ST6GALNAC5: variants seen among roughly 807,000 people sequenced by gnomAD.
The protein encoded by ST6GALNAC5 is ST6 N-acetylgalactosaminide alpha-2,6-sialyltransferase 5.
ST6GALNAC5 carries 27 observed loss-of-function variants against 33.6 expected under a neutral mutation model. The ratio of observed to expected loss-of-function variants is 0.80; its 90% confidence interval spans 0.59 to 1.11. The LOEUF is 1.11. Among genes scored for constraint, ST6GALNAC5 ranks in the 50% least tolerant of loss-of-function variants. ST6GALNAC5 has a pLI of 0.00. For missense variants in ST6GALNAC5, 428 were observed against 454.0 expected (o/e 0.94, Z 0.52); for synonymous variants, 194 against 171.2 (o/e 1.13, Z -1.04).
rs1387659612 is a variant in ST6GALNAC5 at position 76,868,451 on chromosome 1, G to T, written c.16-46G>T. 1.3e-6 allele frequency: 2 copies of T among 1,566,170 alleles called. No individual in the cohort carries two copies. Among genetic ancestry groups the T allele is most frequent in the Admixed American group, 1.8e-5 (1 of 56,242 alleles). On this transcript the variant is annotated intron_variant, in intron 1 of 4. Transcript: ENST00000477717. The surrounding 1 kb of genome is among the most constrained non-coding windows in gnomAD (Gnocchi z 4.3). ...TCCCCGCTGGGCGCGCTCCTCCGGT[G>T]TCTGCGCTCAGCCGCTCTCCTCTTC... is the stretch of plus-strand genomic sequence containing the variant.
chr1:76,963,933 A>G (rs982982724), intron 2 of ST6GALNAC5, among the ~76,000 whole-genome samples: 8 of 152,172 alleles, frequency 5.3e-5, no homozygotes, highest in Admixed American at 1.3e-4. Context: ...GAAATCAAAA[A>G]GAGATGTGCC....
chr1:76,981,862 G>C (rs34563548), intron 2 of ST6GALNAC5, among the ~76,000 whole-genome samples: 23,260 of 152,158 alleles, frequency 0.15, 1,858 homozygotes, highest in South Asian at 0.29. Flanking sequence ...AGATACCCAG[G>C]CAAACAGGGT....
In ST6GALNAC5 at chr1:77,036,897, G is replaced by T. The variant is rs559122621; in HGVS notation, c.262-7307G>T. Among the ~76,000 whole-genome samples the T allele has an allele frequency of 2.0e-5, 3 of 152,294 alleles. No homozygotes were observed. In the East Asian group the frequency reaches 5.8e-4, roughly 29 times the overall value. ...ATACATGAATTTAAACAAAAACCTG[G>T]ATGATGAGAGGTAGTTACAGTAGGT... is the stretch of plus-strand genomic sequence containing the variant. On this transcript the variant is annotated intron_variant, in intron 2 of 4. Coordinates refer to ENST00000477717, the MANE Select transcript of ST6GALNAC5 (RefSeq NM_030965.3).
At chr1:77,040,208 TG>T (rs1651788539) in intron 2 of ST6GALNAC5, among the ~76,000 whole-genome samples, 1 of 152,224 alleles carries the variant, frequency 6.6e-6, no homozygotes, top group African/African-American at 2.4e-5. Flanking sequence ...CCTTTGGAAG[TG>T]GGTCAGCCTT....
At chr1:76,932,747 C>G (rs1335973791) in intron 2 of ST6GALNAC5, among the ~76,000 whole-genome samples, 1 of 152,108 alleles carries the variant, frequency 6.6e-6, no homozygotes, top group East Asian at 1.9e-4. Flanking sequence ...CACATGCAGA[C>G]TTTGCTCATG....
intron 2 of ST6GALNAC5, among the ~76,000 whole-genome samples, chr1:76,892,513 A>C (rs956260387): frequency 6.6e-6 from 1 of 152,218 alleles, no homozygotes; most frequent in Non-Finnish European, 1.5e-5. Context: ...ATAGAACAAA[A>C]AGCACTGTCC....
intron 2 of ST6GALNAC5, among the ~76,000 whole-genome samples, chr1:76,898,887 G>C (rs978068489): frequency 6.6e-6 from 1 of 152,058 alleles, no homozygotes; most frequent in East Asian, 1.9e-4. Context: ...CTGTAGAAAA[G>C]GTAGATTAGA....
chr1:76,977,715 C>T (rs899777973), intron 2 of ST6GALNAC5, among the ~76,000 whole-genome samples: 2 of 152,114 alleles, frequency 1.3e-5, no homozygotes, highest in Non-Finnish European at 2.9e-5. Context: ...TTTCTTTATC[C>T]ATTCATCTAT....
intron 4 of ST6GALNAC5, among the ~76,000 whole-genome samples, chr1:77,058,814 G>A (rs546555210): frequency 5.9e-5 from 9 of 152,196 alleles, no homozygotes; most frequent in Non-Finnish European, 1.2e-4. Flanking sequence ...AAGTCAGGTT[G>A]TGTGCTGAAA....
rs1029474893 is a variant in ST6GALNAC5 at position 77,038,903 on chromosome 1, G to T, written c.262-5301G>T. ...GGTTTTTGTTGTTGTTGCTGGGGGT[G>T]GGCAGGGGTGATGGAAGGAGAAACT... On this transcript the variant is annotated intron_variant, in intron 2 of 4. Transcript: ENST00000477717. Among the ~76,000 whole-genome samples the T allele has an allele frequency of 2.0e-5, 3 of 152,172 alleles. No homozygotes were observed. In the East Asian group the frequency reaches 5.8e-4, roughly 29 times the overall value.
chr1:77,019,854 G>A (rs1056831411), intron 2 of ST6GALNAC5, among the ~76,000 whole-genome samples: 1 of 152,180 alleles, frequency 6.6e-6, no homozygotes, highest in African/African-American at 2.4e-5. Context: ...ATGTAGGAGT[G>A]TCTGTCTGAT....
intron 2 of ST6GALNAC5, among the ~76,000 whole-genome samples, chr1:76,893,234 GA>G (rs1654050821): frequency 6.6e-6 from 1 of 152,148 alleles, no homozygotes; most frequent in African/African-American, 2.4e-5. Flanking sequence ...AAAGAAAGAG[GA>G]AGGGTGTGCA....
chr1:76,955,837 C>G (rs1647935349), intron 2 of ST6GALNAC5, among the ~76,000 whole-genome samples: 1 of 152,186 alleles, frequency 6.6e-6, no homozygotes, highest in Non-Finnish European at 1.5e-5. Context: ...ACCAGTGCAG[C>G]ATTGGCTGCC....
chr1:76,887,284 C>A (rs956152710), intron 2 of ST6GALNAC5, among the ~76,000 whole-genome samples: 1 of 152,184 alleles, frequency 6.6e-6, no homozygotes, highest in Non-Finnish European at 1.5e-5. Context: ...CATACTCCTA[C>A]CACTTTGGTG....
intron 2 of ST6GALNAC5, among the ~76,000 whole-genome samples, chr1:76,961,587 G>C (rs1259674237): frequency 6.6e-6 from 1 of 152,148 alleles, no homozygotes; most frequent in Non-Finnish European, 1.5e-5. Context: ...ACCAGCCCCT[G>C]GCCTCATTTC....
At chr1:76,995,792 G>A (rs1320159038) in intron 2 of ST6GALNAC5, among the ~76,000 whole-genome samples, 1 of 152,078 alleles carries the variant, frequency 6.6e-6, no homozygotes, top group Non-Finnish European at 1.5e-5. Context: ...ATTTATTTGT[G>A]TATTTGTTCA....
chr1:76,977,096 T>G lies in ST6GALNAC5; in HGVS notation c.262-67108T>G, dbSNP rs144230934. On this transcript the variant is annotated intron_variant, in intron 2 of 4. Coordinates refer to ENST00000477717, the MANE Select transcript of ST6GALNAC5 (RefSeq NM_030965.3). ...TTATATGTTTCTATCTATATTAATC[T>G]CTTTCTTCACTTATTTTTCTAATTT... Among the ~76,000 whole-genome samples, 686 of 152,298 alleles carry G rather than the reference T, an allele frequency of 4.5e-3. 7 individuals are homozygous for G. The highest frequency in any genetic ancestry group is 0.016 in the African/African-American group (646 of 41,582).
chr1:76,885,293 T>C (rs1477675487), intron 2 of ST6GALNAC5, among the ~76,000 whole-genome samples: 1 of 152,188 alleles, frequency 6.6e-6, no homozygotes, highest in East Asian at 1.9e-4. Context: ...TGAAATTTTG[T>C]TCCCTTCCCA....
intron 4 of ST6GALNAC5, among the ~76,000 whole-genome samples, chr1:77,054,314 C>CCACTGATT (rs1372344481): frequency 6.6e-6 from 1 of 152,210 alleles, no homozygotes; most frequent in Non-Finnish European, 1.5e-5. Context: ...TCCTTGCATT[C>CCACTGATT]CACTGATTCT....
Sources: gnomAD v4.1 joint callset for allele counts (sites outside exome capture counted in the v4.1 genomes callset) on GRCh38, gnomAD v4.1.1 for gene constraint, Gnocchi (gnomAD v3.1) non-coding constraint, MANE v1.5 for transcripts, NCBI Gene and HGNC (gene_info 2026-07-23, HGNC 2026-07-21) for gene names.